RBFOX1: variants seen among roughly 807,000 people sequenced by gnomAD.
The protein encoded by RBFOX1 is RNA binding protein fox-1 homolog 1.
A neutral mutation model predicts 57.7 loss-of-function variants in RBFOX1; 8 were observed. The ratio of observed to expected loss-of-function variants is 0.14; its 90% CI spans 0.08 to 0.25. The LOEUF is 0.25. Among genes scored for constraint, RBFOX1 ranks in the 10% least tolerant of loss-of-function variants. The pLI, the probability that RBFOX1 is intolerant of heterozygous loss-of-function variation, is 1.00. For synonymous variants in RBFOX1, 326 were observed against 222.4 expected (o/e 1.47, Z -4.15); for missense variants, 611 against 548.5 (o/e 1.11, Z -1.14).
intron 5 of RBFOX1, among the ~76,000 whole-genome samples, chr16:7,529,837 C>T (rs1015493523): frequency 4.6e-5 from 7 of 151,722 alleles, no homozygotes; most frequent in South Asian, 2.1e-4. Context: ...AGTGAAACCC[C>T]GTCTCTCCTA....
intron 4 of RBFOX1, among the ~76,000 whole-genome samples, chr16:5,911,174 A>G (rs1252090166): frequency 6.6e-6 from 1 of 152,200 alleles, no homozygotes; most frequent in East Asian, 1.9e-4. Flanking sequence ...CTACCTGCAG[A>G]CAAATCTTGC....
chr16:6,978,308 A>G (rs1189084690), intron 3 of RBFOX1, among the ~76,000 whole-genome samples: 1 of 152,216 alleles, frequency 6.6e-6, no homozygotes, highest in Non-Finnish European at 1.5e-5. Flanking sequence ...CTATGCAAGA[A>G]ATTGGGATTC....
At chr16:6,325,744 T>A (rs2082298137) in intron 2 of RBFOX1, among the ~76,000 whole-genome samples, 1 of 152,186 alleles carries the variant, frequency 6.6e-6, no homozygotes, top group Admixed American at 6.5e-5. Context: ...AGGCTAGAAT[T>A]TCTTCCTACT....
chr16:6,577,580 A>T (rs777870720), intron 2 of RBFOX1, among the ~76,000 whole-genome samples: 4 of 152,138 alleles, frequency 2.6e-5, no homozygotes, highest in Admixed American at 2.6e-4. Context: ...GTTCTGGGAC[A>T]CTCTACAGAG....
intron 1 of RBFOX1, among the ~76,000 whole-genome samples, chr16:6,094,430 A>C (rs1334726078): frequency 6.6e-6 from 1 of 152,238 alleles, no homozygotes; most frequent in East Asian, 1.9e-4. Flanking sequence ...GCTTGGACTC[A>C]CAGAGAAAGG....
chr16:5,498,932 C>T (rs2043096739), intron 2 of RBFOX1, among the ~76,000 whole-genome samples: 1 of 152,150 alleles, frequency 6.6e-6, no homozygotes, highest in African/African-American at 2.4e-5. Context: ...CTAAGTCAGG[C>T]TCTCACTGTT....
At chr16:7,202,627 C>G (rs2088868162) in intron 4 of RBFOX1, among the ~76,000 whole-genome samples, 1 of 152,202 alleles carries the variant, frequency 6.6e-6, no homozygotes, top group African/African-American at 2.4e-5. Flanking sequence ...TTGCTTGCAT[C>G]AGCACCTGAG....
chr16:6,991,973 C>T (rs1452176093), intron 3 of RBFOX1, among the ~76,000 whole-genome samples: 6 of 152,158 alleles, frequency 3.9e-5, no homozygotes, highest in Non-Finnish European at 2.9e-5. Flanking sequence ...GTGTTGTTAA[C>T]AGGACTCCCT....
chr16:7,155,714 T>A (rs1034599678), intron 4 of RBFOX1, among the ~76,000 whole-genome samples: 35,885 of 72,060 alleles, frequency 0.5, 9,811 homozygotes, highest in African/African-American at 0.67. Flanking sequence ...AAAAAAAAAA[T>A]ATATATATAT....
At chr16:6,789,138 C>T (rs1726143799) in intron 3 of RBFOX1, among the ~76,000 whole-genome samples, 1 of 150,502 alleles carries the variant, frequency 6.6e-6, no homozygotes, top group African/African-American at 2.5e-5. Context: ...GAAAAATTAC[C>T]GCCTGCCCAC....
intron 4 of RBFOX1, among the ~76,000 whole-genome samples, chr16:7,251,947 C>G (rs2094514004): frequency 2.0e-5 from 3 of 152,116 alleles, no homozygotes; most frequent in African/African-American, 7.2e-5. Flanking sequence ...AATTTGCATT[C>G]CCACCAACAG....
At chr16:5,284,550 T>C (rs1417639291) in intron 1 of RBFOX1, among the ~76,000 whole-genome samples, 1 of 150,606 alleles carries the variant, frequency 6.6e-6, no homozygotes, top group East Asian at 1.9e-4. Context: ...TTTTTTTTTT[T>C]TTTTTTTAGG....
intron 3 of RBFOX1, among the ~76,000 whole-genome samples, chr16:5,755,663 A>G (rs958288222): frequency 4.6e-5 from 7 of 152,078 alleles, no homozygotes; most frequent in Non-Finnish European, 5.9e-5. Flanking sequence ...CAAAGGTGCA[A>G]TTTTGGCTCA....
At chr16:6,699,121 A>G (rs2154139975) in intron 3 of RBFOX1, among the ~76,000 whole-genome samples, 1 of 152,300 alleles carries the variant, frequency 6.6e-6, no homozygotes, top group South Asian at 2.1e-4. Context: ...TATAAGAAAC[A>G]GCGTCTTCAA....
intron 4 of RBFOX1, among the ~76,000 whole-genome samples, chr16:7,170,868 G>A (rs528311185): frequency 1.3e-5 from 2 of 152,258 alleles, no homozygotes; most frequent in East Asian, 1.9e-4. Context: ...TCTGCTCTGC[G>A]CAGTTGAGGG....
At chr16:5,755,704 T>C (rs777327096) in intron 3 of RBFOX1, among the ~76,000 whole-genome samples, 24 of 152,352 alleles carry the variant, frequency 1.6e-4, no homozygotes, top group Non-Finnish European at 2.5e-4. Context: ...GTTCAAGCGA[T>C]TCTCCTGACT....
At chr16:7,401,641 C>A (rs1200123288) in intron 4 of RBFOX1, among the ~76,000 whole-genome samples, 1 of 152,170 alleles carries the variant, frequency 6.6e-6, no homozygotes, top group East Asian at 1.9e-4. Flanking sequence ...CTTCTTTGAA[C>A]CCACTTTTCA....
intron 1 of RBFOX1, among the ~76,000 whole-genome samples, chr16:6,215,362 G>T (rs1012952758): frequency 7.0e-6 from 1 of 143,610 alleles, no homozygotes; most frequent in African/African-American, 2.6e-5. Flanking sequence ...GGGACAGGGA[G>T]AGAAGGAGAA....
rs555827103 is a variant in RBFOX1 at position 6,486,146 on chromosome 16, T to G, written c.-63-168457T>G. Among the ~76,000 whole-genome samples, 34 of 138,918 alleles carry G rather than the reference T, an allele frequency of 2.4e-4. No homozygotes were observed. The South Asian group carries it at 7.9e-3, about 32-fold the overall frequency. The allele number at this position is 138,918 out of a possible 152,430, so 91.1% of individuals were successfully genotyped here. ...TTCCTATAAACTATAGTTGCAATAT[T>G]TGGAAAATATATTGTCATATTTTAT... On this transcript the variant is annotated intron_variant, in intron 2 of 15. Transcript: ENST00000550418.
Sources: allele counts gnomAD v4.1 joint callset (sites outside exome capture counted in the v4.1 genomes callset), GRCh38; gene constraint gnomAD v4.1.1; transcripts MANE v1.5; gene names NCBI Gene and HGNC (gene_info 2026-07-23, HGNC 2026-07-21).